The following HYCC2 variants were observed in gnomAD, a reference collection of about 807,000 sequenced individuals.
HYCC2 encodes hyccin 2.
the HYCC2 span, among the ~76,000 whole-genome samples, chr2:201,060,276 A>G: frequency 6.6e-6 from 1 of 152,166 alleles, no homozygotes; most frequent in African/African-American, 2.4e-5. Context: ...TTTCCATCCA[A>G]TATAGATCCT....
the HYCC2 span, chr2:200,988,305 T>C: frequency 1.9e-6 from 3 of 1,613,754 alleles, no homozygotes; most frequent in Non-Finnish European, 2.5e-6. Flanking sequence ...CTGTTGTAAT[T>C]GCAGTCCGAG....
At chr2:201,015,853 C>T in the HYCC2 span, among the ~76,000 whole-genome samples, 16 of 152,200 alleles carry the variant, frequency 1.1e-4, no homozygotes, top group South Asian at 2.9e-3. Context: ...GAAACCTCAC[C>T]GGCTCCTCAT....
the HYCC2 span, among the ~76,000 whole-genome samples, chr2:201,069,660 T>C: frequency 6.6e-6 from 1 of 151,746 alleles, no homozygotes; most frequent in South Asian, 2.1e-4. Context: ...CACTACAGAA[T>C]TCCACCTAAA....
chr2:200,995,017 A>G, the HYCC2 span, among the ~76,000 whole-genome samples: 15 of 151,944 alleles, frequency 9.9e-5, no homozygotes, highest in African/African-American at 4.8e-5. Context: ...AAAAAAAAAA[A>G]AAAGAAAGAA....
the HYCC2 span, chr2:201,063,255 G>T: frequency 6.3e-7 from 1 of 1,589,434 alleles, no homozygotes; most frequent in South Asian, 1.1e-5. Flanking sequence ...TGCTCCACGG[G>T]CTTTGGGTTT....
chr2:201,017,115 C>T, the HYCC2 span: 23 of 1,613,792 alleles, frequency 1.4e-5, no homozygotes, highest in East Asian at 3.3e-4. Flanking sequence ...CCTCTTAAGT[C>T]GAACCTCTGA....
the HYCC2 span, among the ~76,000 whole-genome samples, chr2:201,025,317 T>C: frequency 6.6e-6 from 1 of 152,144 alleles, no homozygotes; most frequent in Non-Finnish European, 1.5e-5. Flanking sequence ...GCATCAACTA[T>C]ACGGCAACCA....
At chr2:201,023,751 T>G in the HYCC2 span, 1 of 404,200 alleles carries the variant, frequency 2.5e-6, no homozygotes, top group South Asian at 5.9e-5. Context: ...TCTTTATGTA[T>G]CACCTTCTAG....
the HYCC2 span, chr2:201,022,897 T>A: frequency 6.2e-7 from 1 of 1,613,778 alleles, no homozygotes; most frequent in Non-Finnish European, 8.5e-7. Context: ...GGTGTAAAGT[T>A]GCTGCATAAC....
chr2:201,013,444 G>A, the HYCC2 span, among the ~76,000 whole-genome samples: 1 of 150,568 alleles, frequency 6.6e-6, no homozygotes, highest in South Asian at 2.1e-4. Context: ...CTTCAGCCTA[G>A]GCGACAGCTG....
At chr2:201,068,352 A>G in the HYCC2 span, among the ~76,000 whole-genome samples, 2 of 152,152 alleles carry the variant, frequency 1.3e-5, no homozygotes, top group Non-Finnish European at 2.9e-5. Context: ...TTGAGCTATA[A>G]AAGTATTAGT....
the HYCC2 span, among the ~76,000 whole-genome samples, chr2:201,032,031 G>A: frequency 2.6e-5 from 4 of 152,054 alleles, no homozygotes; most frequent in Admixed American, 6.5e-5. Context: ...GCACAATCTC[G>A]ATCACTGCAA....
chr2:200,986,199 A>G, the HYCC2 span, among the ~76,000 whole-genome samples: 1 of 152,332 alleles, frequency 6.6e-6, no homozygotes, highest in Admixed American at 6.5e-5. Flanking sequence ...TCCCTAGGTC[A>G]TGCACATGCA....
chr2:201,035,864 C>T, the HYCC2 span, among the ~76,000 whole-genome samples: 1 of 152,090 alleles, frequency 6.6e-6, no homozygotes, highest in Non-Finnish European at 1.5e-5. Context: ...TGCCGGAGGT[C>T]CACTCCAGAC....
chr2:200,993,971 AAAAT>A, the HYCC2 span, among the ~76,000 whole-genome samples: 1 of 152,052 alleles, frequency 6.6e-6, no homozygotes, highest in Non-Finnish European at 1.5e-5. Context: ...CTCTGTCTCA[AAAAT>A]AAATAAATAA....
At chr2:201,046,430 G>A in the HYCC2 span, among the ~76,000 whole-genome samples, 2 of 152,122 alleles carry the variant, frequency 1.3e-5, no homozygotes, top group African/African-American at 4.8e-5. Context: ...CAGTGGGGGG[G>A]AAGAACTTGA....
the HYCC2 span, chr2:201,063,830 G>C: frequency 1.1e-5 from 17 of 1,590,684 alleles, no homozygotes; most frequent in Middle Eastern, 4.5e-4. Context: ...TAATGGATTT[G>C]GTAATGATGG....
chr2:201,009,606 C>T, the HYCC2 span, among the ~76,000 whole-genome samples: 1 of 151,952 alleles, frequency 6.6e-6, no homozygotes, highest in African/African-American at 2.4e-5. Flanking sequence ...ATTACAGGTA[C>T]CCACTACCAC....
At chr2:201,011,497 TAA>T in the HYCC2 span, 1 of 1,175,688 alleles carries the variant, frequency 8.5e-7, no homozygotes, top group South Asian at 1.8e-5. Context: ...TATACAAAGA[TAA>T]TGAAATAATC....
Sources: allele counts gnomAD v4.1 joint callset (sites outside exome capture counted in the v4.1 genomes callset), GRCh38; gene constraint gnomAD v4.1.1; transcripts MANE v1.5; gene names NCBI Gene and HGNC (gene_info 2026-07-23, HGNC 2026-07-21).